Variants in REEP3 observed in about 807,000 individuals in gnomAD.
REEP3 encodes receptor accessory protein 3, also known as receptor expression-enhancing protein 3.
Under a neutral mutation model 41.3 loss-of-function variants are expected in REEP3, and 20 were observed. That is an observed-to-expected ratio of 0.48 (90% CI 0.34 to 0.70). The LOEUF is 0.70. Ranked by LOEUF, REEP3 falls within the 30% of genes least tolerant of loss-of-function variation. The pLI is 0.01. For missense variants in REEP3, 271 were observed against 308.8 expected (o/e 0.88, Z 0.92); for synonymous variants, 104 against 101.8 (o/e 1.02, Z -0.13).
chr10:63,624,921 G>C lies in REEP3; in HGVS notation c.*4052G>C, dbSNP rs532748528. 6.6e-6 allele frequency: 1 copy of C among 152,204 alleles called. No homozygotes were observed. Among genetic ancestry groups the C allele is most frequent in the South Asian group, 2.1e-4 (1 of 4,830 alleles). The allele number at this position is 152,204 out of a possible 1,614,324, so 9.4% of individuals were successfully genotyped here. On this transcript the variant is annotated 3_prime_UTR_variant, in exon 8 of 8. Coordinates refer to ENST00000373758, the MANE Select transcript of REEP3 (RefSeq NM_001001330.3). ...TGGGGTTCCATCTGTTTTAAAGTTAGACGTCTGTCTGCCTCACATTTAAGC... is the reference window on the plus strand; with the variant it reads ...TGGGGTTCCATCTGTTTTAAAGTTACACGTCTGTCTGCCTCACATTTAAGC...
chr10:63,527,972 T>C (rs1955382973), intron 1 of REEP3, among the ~76,000 whole-genome samples: 1 of 151,452 alleles, frequency 6.6e-6, no homozygotes, highest in Admixed American at 6.6e-5. Flanking sequence ...TTTTTTGTTT[T>C]TGTAACTCAA....
Position 63,599,239 on chromosome 10 carries a change from G to A in REEP3, c.373G>A (p.Gly125Ser), listed in dbSNP as rs1286504483. The change falls in exon 5 of 8, where the codon GGT (glycine) becomes AGT (serine). Residue 125 changes from glycine to serine, a missense_variant. Coordinates refer to ENST00000373758, the MANE Select transcript of REEP3 (RefSeq NM_001001330.3). ...AACCATGGTAAACTTTGGACGGCAA[G>A]GTTTAAACCTTGCAGCTACTGCTGC... ...YETMVNFGRQ[G>S]LNLAATAAVT... is the part of the protein sequence containing the mutation. 1 of 1,581,658 alleles carries A rather than the reference G, an allele frequency of 6.3e-7. No individual in the cohort carries two copies. The highest frequency in any genetic ancestry group is 2.3e-5 in the East Asian group (1 of 42,928).
In REEP3 at chr10:63,589,195, T is replaced by C. The variant is rs922040988; in HGVS notation, c.106-5583T>C. Among the ~76,000 whole-genome samples, 50 of 152,152 alleles carry C rather than the reference T, an allele frequency of 3.3e-4. 4 individuals carry two copies. Among genetic ancestry groups the C allele is most frequent in the Non-Finnish European group, 1.5e-5 (1 of 68,012 alleles). ...GAGTCAAAAAAATGGAGTGACCAGT[T>C]AGGATGCCACTGAAATAATCCAGAC... On this transcript the variant is annotated intron_variant, in intron 2 of 7. Transcript: ENST00000373758.
intron 5 of REEP3, among the ~76,000 whole-genome samples, chr10:63,600,750 A>G (rs1956164957): frequency 6.6e-6 from 1 of 152,238 alleles, no homozygotes; most frequent in African/African-American, 2.4e-5. Flanking sequence ...GGACCCACCA[A>G]GTACTTAGCA....
At chr10:63,609,313 G>A (rs936640648) in intron 5 of REEP3, among the ~76,000 whole-genome samples, 2 of 151,932 alleles carry the variant, frequency 1.3e-5, no homozygotes, top group African/African-American at 2.4e-5. Context: ...TTAGCCAGGC[G>A]TGGTGGTGGG....
intron 1 of REEP3, among the ~76,000 whole-genome samples, chr10:63,540,602 G>C (rs1955519646): frequency 6.6e-6 from 1 of 152,160 alleles, no homozygotes; most frequent in African/African-American, 2.4e-5. Context: ...ATGCTTTTTA[G>C]AATTGGAACA....
intron 2 of REEP3, among the ~76,000 whole-genome samples, chr10:63,574,351 G>A (rs1383389714): frequency 6.6e-6 from 1 of 152,154 alleles, no homozygotes; most frequent in African/African-American, 2.4e-5. Flanking sequence ...AGAAGCAATA[G>A]AATATAGAGG....
chr10:63,623,727 G>A lies in REEP3; in HGVS notation c.*2858G>A, dbSNP rs1296950001. 2 of 151,366 alleles carry A rather than the reference G, an allele frequency of 1.3e-5. No individual in the cohort carries two copies. The highest frequency in any genetic ancestry group is 2.9e-5 in the Non-Finnish European group (2 of 67,962). 9.4% of individuals were successfully genotyped at this position (151,366 alleles called of 1,614,324 possible). ...GTAAGCCCACCTAGGTCCTGCATAA[G>A]ATCCCCCTCACATACTTCACAATAT... On this transcript the variant is annotated 3_prime_UTR_variant, in exon 8 of 8. Transcript: ENST00000373758.
chr10:63,526,008 T>C (rs1161769414), intron 1 of REEP3, among the ~76,000 whole-genome samples: 4 of 152,228 alleles, frequency 2.6e-5, no homozygotes, highest in Non-Finnish European at 4.4e-5. Flanking sequence ...AAGCATTCAG[T>C]AAATGCTAGT....
intron 1 of REEP3, among the ~76,000 whole-genome samples, chr10:63,533,221 A>T (rs182154616): frequency 3.3e-5 from 5 of 152,336 alleles, no homozygotes; most frequent in African/African-American, 1.2e-4. Flanking sequence ...TGTGGAATGC[A>T]CTTTCACCAA....
At chr10:63,583,252 A>G (rs1955971798) in intron 2 of REEP3, among the ~76,000 whole-genome samples, 1 of 152,054 alleles carries the variant, frequency 6.6e-6, no homozygotes, top group Non-Finnish European at 1.5e-5. Context: ...CAGCCTCCCA[A>G]AGTGCTGGGA....
intron 2 of REEP3, among the ~76,000 whole-genome samples, chr10:63,586,082 T>G (rs1956004177): frequency 6.6e-6 from 1 of 152,212 alleles, no homozygotes; most frequent in African/African-American, 2.4e-5. Flanking sequence ...GGTAGGTAAA[T>G]GCATACCTAT....
chr10:63,606,531 G>A (rs1007268645), intron 5 of REEP3, among the ~76,000 whole-genome samples: 5 of 152,032 alleles, frequency 3.3e-5, no homozygotes, highest in Admixed American at 2.6e-4. Flanking sequence ...AATTGCAGGC[G>A]TGAGCCACTG....
intron 2 of REEP3, among the ~76,000 whole-genome samples, chr10:63,587,159 A>G (rs1390343352): frequency 6.6e-6 from 1 of 152,212 alleles, no homozygotes; most frequent in East Asian, 1.9e-4. Flanking sequence ...ACAAATTCAC[A>G]CAGACTTCAC....
chr10:63,583,086 C>T (rs925359805), intron 2 of REEP3, among the ~76,000 whole-genome samples: 4 of 152,196 alleles, frequency 2.6e-5, no homozygotes, highest in South Asian at 2.1e-4. Context: ...CCCGGGTTCA[C>T]GCCATTCTCC....
intron 6 of REEP3, among the ~76,000 whole-genome samples, chr10:63,614,286 A>G (rs1327443424): frequency 6.6e-6 from 1 of 152,180 alleles, no homozygotes; most frequent in African/African-American, 2.4e-5. Context: ...CTAGTTATCT[A>G]TTGCTGCATA....
chr10:63,569,653 T>C (rs904821037), intron 2 of REEP3, among the ~76,000 whole-genome samples: 3 of 152,054 alleles, frequency 2.0e-5, no homozygotes, highest in Non-Finnish European at 2.9e-5. Context: ...TAATAAAAAA[T>C]AGGCTTGGCC....
At chr10:63,597,806 G>A in intron 3 of REEP3, among the ~76,000 whole-genome samples, 1 of 151,912 alleles carries the variant, frequency 6.6e-6, no homozygotes, top group East Asian at 1.9e-4. Context: ...CTAACTACTG[G>A]GGAGGCTGAG....
At chr10:63,522,657 C>CT (rs1486639524) in intron 1 of REEP3, among the ~76,000 whole-genome samples, 2 of 152,132 alleles carry the variant, frequency 1.3e-5, no homozygotes, top group Non-Finnish European at 2.9e-5. Flanking sequence ...CATTACCAGA[C>CT]TTTTTGTTAA....
Sources: allele counts gnomAD v4.1 joint callset (sites outside exome capture counted in the v4.1 genomes callset), GRCh38; gene constraint gnomAD v4.1.1; transcripts MANE v1.5; gene names NCBI Gene and HGNC (gene_info 2026-07-23, HGNC 2026-07-21).